SDK1: variants seen among roughly 807,000 people sequenced by gnomAD.
SDK1 encodes sidekick cell adhesion molecule 1.
A neutral mutation model predicts 245.5 loss-of-function variants in SDK1; 157 were observed. The observed-to-expected ratio is 0.64, with a 90% confidence interval of 0.56 to 0.73. The LOEUF (loss-of-function observed/expected upper bound fraction) is 0.73. Among genes scored for constraint, SDK1 ranks in the 30% least tolerant of loss-of-function variants. The probability of loss-of-function intolerance (pLI) is 0.00; values close to 1 mark genes in which losing one functional copy is unlikely to be tolerated. For synonymous variants in SDK1, 1,647 were observed against 1,278.5 expected, an observed-to-expected ratio of 1.29 and a Z score of -6.15; for missense variants, 3,583 against 3,002.3, an observed-to-expected ratio of 1.19 and a Z score of -4.52.
chr7:3,557,693 G>T (rs1342490303), intron 1 of SDK1, among the ~76,000 whole-genome samples: 3 of 152,018 alleles, frequency 2.0e-5, no homozygotes, highest in Non-Finnish European at 4.4e-5. Context: ...CTCAGTAAAG[G>T]GTACTCAGAA....
chr7:3,989,875 A>G (rs765604936), intron 14 of SDK1, among the ~76,000 whole-genome samples: 2 of 152,180 alleles, frequency 1.3e-5, no homozygotes, highest in African/African-American at 4.8e-5. Context: ...TCCCCATTTC[A>G]TAGCTACGGG....
intron 22 of SDK1, among the ~76,000 whole-genome samples, chr7:4,095,645 T>C (rs1327637361): frequency 7.2e-5 from 11 of 152,202 alleles, no homozygotes; most frequent in Non-Finnish European, 1.6e-4. Context: ...CGATCTCAGC[T>C]CACTGCAACC....
In SDK1 at chr7:4,163,564, G is replaced by C. The variant is rs956003740; in HGVS notation, c.4800+1708G>C. Among the ~76,000 whole-genome samples the C allele has an allele frequency of 2.0e-5, 3 of 152,224 alleles. No homozygotes were observed. The East Asian group carries it at 5.8e-4, about 29-fold the overall frequency. On this transcript the variant is annotated intron_variant, in intron 32 of 44. Coordinates refer to ENST00000404826, the MANE Select transcript of SDK1 (RefSeq NM_152744.4). ...GAGCATCTCCCAGGGCCCTGCAGAAGGGCCACTCCAAGGGACAGTGGCTTC... is the reference window on the plus strand; with the variant it reads ...GAGCATCTCCCAGGGCCCTGCAGAACGGCCACTCCAAGGGACAGTGGCTTC...
chr7:3,874,692 A>G (rs1781033151), intron 5 of SDK1, among the ~76,000 whole-genome samples: 1 of 151,956 alleles, frequency 6.6e-6, no homozygotes, highest in Non-Finnish European at 1.5e-5. Flanking sequence ...CCTGCATAGT[A>G]AGGCTTTCAT....
intron 42 of SDK1, among the ~76,000 whole-genome samples, chr7:4,239,911 T>G (rs977312176): frequency 5.9e-5 from 9 of 152,218 alleles, no homozygotes; most frequent in African/African-American, 1.7e-4. Flanking sequence ...GCAGAGTAGG[T>G]TCCTGACCCC....
intron 4 of SDK1, among the ~76,000 whole-genome samples, chr7:3,715,447 T>C (rs942320776): frequency 6.6e-6 from 1 of 152,098 alleles, no homozygotes; most frequent in South Asian, 2.1e-4. Flanking sequence ...CCCAAAGATA[T>C]CCTCTCAGCC....
At chr7:3,797,218 A>G (rs1033073015) in intron 4 of SDK1, among the ~76,000 whole-genome samples, 1 of 152,038 alleles carries the variant, frequency 6.6e-6, no homozygotes, top group African/African-American at 2.4e-5. Flanking sequence ...CCTAGCTCCA[A>G]GCATTCCTCC....
chr7:4,194,374 ATG>A (rs1562416023), intron 35 of SDK1, among the ~76,000 whole-genome samples: 6 of 101,664 alleles, frequency 5.9e-5, no homozygotes, highest in Non-Finnish European at 3.9e-5. Flanking sequence ...ATGTGTATAC[ATG>A]TATGTGTATA....
At chr7:3,808,161 A>G (rs2115043615) in intron 4 of SDK1, among the ~76,000 whole-genome samples, 1 of 152,320 alleles carries the variant, frequency 6.6e-6, no homozygotes, top group African/African-American at 2.4e-5. Flanking sequence ...GGTGAGATGC[A>G]TGCAGAGCAC....
At chr7:4,036,814 C>A (rs1788254053) in intron 17 of SDK1, among the ~76,000 whole-genome samples, 1 of 152,172 alleles carries the variant, frequency 6.6e-6, no homozygotes, top group African/African-American at 2.4e-5. Context: ...GAATCTGCCT[C>A]AGTCTTGGCC....
chr7:4,158,821 A>G (rs184685933), intron 31 of SDK1, among the ~76,000 whole-genome samples: 2 of 152,350 alleles, frequency 1.3e-5, no homozygotes, highest in Admixed American at 6.5e-5. Flanking sequence ...TGAATAATTG[A>G]TAGGGTCATT....
chr7:3,572,726 G>A (rs1478716876), intron 1 of SDK1, among the ~76,000 whole-genome samples: 1 of 152,042 alleles, frequency 6.6e-6, no homozygotes, highest in Non-Finnish European at 1.5e-5. Context: ...TTAACGGTGA[G>A]CTAGGCAAAT....
At chr7:3,883,562 A>G (rs925594847) in intron 5 of SDK1, among the ~76,000 whole-genome samples, 20 of 152,206 alleles carry the variant, frequency 1.3e-4, no homozygotes, top group Admixed American at 3.3e-4. Flanking sequence ...GGGGACCAAC[A>G]GAAGACTTTG....
intron 5 of SDK1, among the ~76,000 whole-genome samples, chr7:3,885,111 C>T (rs1781306595): frequency 6.6e-6 from 1 of 152,152 alleles, no homozygotes; most frequent in Admixed American, 6.5e-5. Flanking sequence ...TAAACCTGCC[C>T]ATCCCTAAGG....
At position 4,178,577 on chromosome 7, in the gene SDK1, G is replaced by C; in HGVS notation, c.5089G>C (p.Gly1697Arg). ...CAGCGCGCCCGTGGAGGTCTTTGTC[G>C]GCGAGGCTGGTAAGCTCCGTGCACC... ...PASAPVEVFV[G>R]EAAPAMAPQN... Residue 1697 changes from glycine (G) to arginine (R), a missense_variant, in exon 35 of 45, where the codon GGC becomes CGC. Physicochemically the swap from Gly to Arg is moderately radical, Grantham distance 125. Transcript: ENST00000404826. The C allele has an allele frequency of 6.2e-7, 1 of 1,610,496 alleles. No individual in the cohort carries two copies. Among genetic ancestry groups the C allele is most frequent in the Non-Finnish European group, 8.5e-7 (1 of 1,179,330 alleles).
chr7:3,574,482 G>T (rs747940210), intron 1 of SDK1, among the ~76,000 whole-genome samples: 3 of 152,128 alleles, frequency 2.0e-5, no homozygotes, highest in East Asian at 3.9e-4. Context: ...ATGGCAGAAC[G>T]TAGGTTTAAG....
At chr7:3,716,473 C>T (rs542596343) in intron 4 of SDK1, among the ~76,000 whole-genome samples, 2 of 152,250 alleles carry the variant, frequency 1.3e-5, no homozygotes, top group African/African-American at 2.4e-5. Flanking sequence ...GGGGAGGCCA[C>T]GTGTTATCAC....
chr7:3,315,665 T>A (rs1413475003), intron 1 of SDK1, among the ~76,000 whole-genome samples: 1 of 152,232 alleles, frequency 6.6e-6, no homozygotes, highest in Non-Finnish European at 1.5e-5. Context: ...TTTTCCTGAA[T>A]GTTCTAAGTT....
intron 25 of SDK1, among the ~76,000 whole-genome samples, chr7:4,126,363 T>C (rs1242209498): frequency 1.3e-5 from 2 of 152,244 alleles, no homozygotes; most frequent in African/African-American, 4.8e-5. Flanking sequence ...AGTGCAAACA[T>C]ATCAAGACAA....
Sources: allele counts gnomAD v4.1 joint callset (sites outside exome capture counted in the v4.1 genomes callset), GRCh38; gene constraint gnomAD v4.1.1; transcripts MANE v1.5; gene names NCBI Gene and HGNC (gene_info 2026-07-23, HGNC 2026-07-21).